The following ADGRL3 variants were observed in gnomAD, a reference collection of about 807,000 sequenced individuals.
The protein encoded by ADGRL3 is calcium-independent alpha-latrotoxin receptor 3.
Under a neutral mutation model 153.5 loss-of-function variants are expected in ADGRL3, and 62 were observed. The ratio of observed to expected loss-of-function variants is 0.40; its 90% CI spans 0.33 to 0.50. The LOEUF (loss-of-function observed/expected upper bound fraction) is 0.50. Ranked by LOEUF, ADGRL3 falls within the 20% of genes least tolerant of loss-of-function variation. The pLI is 0.47. For synonymous variants in ADGRL3, 710 were observed against 672.5 expected (o/e 1.06, Z -0.86); for missense variants, 1,641 against 1,859.4 (o/e 0.88, Z 2.16).
chr4:61,826,661 A>G (rs187700032), intron 9 of ADGRL3, among the ~76,000 whole-genome samples: 38 of 152,240 alleles, frequency 2.5e-4, no homozygotes, highest in Admixed American at 1.7e-3. Flanking sequence ...AGTACTACAT[A>G]CTATGGTTTC....
At chr4:61,299,551 C>T (rs2150320810) in intron 1 of ADGRL3, among the ~76,000 whole-genome samples, 1 of 152,294 alleles carries the variant, frequency 6.6e-6, no homozygotes, top group South Asian at 2.1e-4. Context: ...TTGCCACCTT[C>T]TGCTGAACAC....
chr4:61,520,682 GTGTC>G (rs1553953059), intron 4 of ADGRL3, among the ~76,000 whole-genome samples: 24 of 123,580 alleles, frequency 1.9e-4, no homozygotes, highest in Non-Finnish European at 3.0e-4. Flanking sequence ...GTGTGTGTGT[GTGTC>G]TGTCTGTCTG....
At chr4:61,363,339 A>AT (rs35533541) in intron 1 of ADGRL3, among the ~76,000 whole-genome samples, 52,123 of 146,818 alleles carry the variant, frequency 0.36, 9,623 homozygotes, top group Non-Finnish European at 0.43. Context: ...AAAGCCGGTA[A>AT]TTTTTTTTTT....
At chr4:61,847,459 C>T (rs1361488390) in intron 9 of ADGRL3, among the ~76,000 whole-genome samples, 4 of 148,162 alleles carry the variant, frequency 2.7e-5, no homozygotes, top group Non-Finnish European at 5.9e-5. Flanking sequence ...ACCTAAGGGG[C>T]AGGGTATGTG....
chr4:61,895,701 G>T (rs2098626800), intron 10 of ADGRL3, 30 bp from the exon 11 acceptor site: 1 of 1,212,170 alleles, frequency 8.2e-7, no homozygotes. Flanking sequence ...CTAAGAAAAA[G>T]AAACAGATAC....
chr4:61,232,914 ACC>A (rs1751354138), intron 1 of ADGRL3, among the ~76,000 whole-genome samples: 1 of 152,030 alleles, frequency 6.6e-6, no homozygotes, highest in Non-Finnish European at 1.5e-5. Flanking sequence ...ACTTTGACTT[ACC>A]CAACATTGTA....
chr4:62,064,712 T>C (rs564868707), intron 25 of ADGRL3, among the ~76,000 whole-genome samples: 3 of 151,676 alleles, frequency 2.0e-5, no homozygotes, highest in South Asian at 4.1e-4. Flanking sequence ...AGATTAGTGG[T>C]GTGTATGTGT....
chr4:61,977,937 G>T (rs1223408191), intron 17 of ADGRL3, among the ~76,000 whole-genome samples: 2 of 151,974 alleles, frequency 1.3e-5, no homozygotes, highest in African/African-American at 4.8e-5. Flanking sequence ...TTCTACCATT[G>T]CCCCCTCCCT....
At chr4:62,015,295 G>T (rs2151304018) in intron 21 of ADGRL3, among the ~76,000 whole-genome samples, 1 of 152,234 alleles carries the variant, frequency 6.6e-6, no homozygotes, top group African/African-American at 2.4e-5. Flanking sequence ...CAATACTCTG[G>T]ATTGCTGCCT....
At chr4:61,505,659 A>G (rs917336343) in intron 3 of ADGRL3, among the ~76,000 whole-genome samples, 7 of 152,110 alleles carry the variant, frequency 4.6e-5, no homozygotes, top group African/African-American at 1.7e-4. Context: ...ATAAATATTG[A>G]GTCTTTCATT....
rs1734482177 is a variant in ADGRL3, at chr4:61,200,952, C to T, written c.-1053C>T. Among the ~76,000 whole-genome samples, 2 of 152,110 alleles carry T rather than the reference C, an allele frequency of 1.3e-5. No homozygotes were observed. Among genetic ancestry groups the T allele is most frequent in the Admixed American group, 6.5e-5 (1 of 15,288 alleles). The stretch of plus-strand genomic sequence containing the variant: ...CGGGCGCCCGCTCTGTCTGCGCGCC[C>T]CCTCCGTGCACCGGGGAAGGAGTTT... On this transcript the variant is annotated 5_prime_UTR_variant, in exon 1 of 27. Coordinates refer to ENST00000683033, the MANE Select transcript of ADGRL3 (RefSeq NM_001387552.1).
At chr4:61,414,665 T>G (rs1261045332) in intron 2 of ADGRL3, among the ~76,000 whole-genome samples, 1 of 151,922 alleles carries the variant, frequency 6.6e-6, no homozygotes, top group African/African-American at 2.4e-5. Context: ...AATATGAGAA[T>G]TGCTTTATGT....
intron 8 of ADGRL3, among the ~76,000 whole-genome samples, chr4:61,778,438 G>A (rs991710665): frequency 3.9e-5 from 6 of 152,302 alleles, no homozygotes; most frequent in East Asian, 1.9e-4. Context: ...AAAGAAAACC[G>A]TTAAGTGTAA....
intron 8 of ADGRL3, among the ~76,000 whole-genome samples, chr4:61,745,430 A>G (rs1212696468): frequency 9.9e-5 from 15 of 152,182 alleles, no homozygotes; most frequent in Non-Finnish European, 2.9e-5. Context: ...AGTTGAAATG[A>G]AGGAAAAAAT....
chr4:61,401,710 C>T (rs182686236), intron 2 of ADGRL3, among the ~76,000 whole-genome samples: 2 of 152,008 alleles, frequency 1.3e-5, no homozygotes, highest in African/African-American at 2.4e-5. Context: ...TCTCTAAATA[C>T]GGAAAATGCT....
intron 1 of ADGRL3, among the ~76,000 whole-genome samples, chr4:61,272,948 G>T (rs187470264): frequency 4.6e-5 from 7 of 152,190 alleles, no homozygotes; most frequent in African/African-American, 1.7e-4. Flanking sequence ...GACTCAGAGT[G>T]GCTGGGTTTG....
In ADGRL3 at chr4:61,892,819, G is replaced by A. The variant is rs1161861921; in HGVS notation, c.1644G>A (p.Met548Ile). 1 of 1,613,776 alleles carries A rather than the reference G, an allele frequency of 6.2e-7. No individual in the cohort carries two copies. The highest frequency in any genetic ancestry group is 1.1e-5 in the South Asian group (1 of 91,058). ...CAGCTGTCGAGGTACTTGATGACAT[G>A]ACCACACACCTTCCATCAGCATCGT... Reference protein sequence around the residue: ...PSPAVEVLDDMTTHLPSASSQ... With the variant: ...PSPAVEVLDDITTHLPSASSQ... Residue 548 changes from methionine to isoleucine, a missense_variant, in exon 10 of 27, where the codon ATG becomes ATA. By Grantham distance (10) the Met-to-Ile change is conservative (BLOSUM62 1). Transcript: ENST00000683033.
chr4:61,853,289 C>T (rs2098228911), intron 9 of ADGRL3, among the ~76,000 whole-genome samples: 1 of 152,066 alleles, frequency 6.6e-6, no homozygotes, highest in African/African-American at 2.4e-5. Context: ...ACATTCCTAT[C>T]GCTCATGAAA....
intron 2 of ADGRL3, among the ~76,000 whole-genome samples, chr4:61,494,045 T>A (rs1224145555): frequency 2.0e-5 from 3 of 152,052 alleles, no homozygotes; most frequent in Non-Finnish European, 4.4e-5. Context: ...GGTTAATTCT[T>A]CTCTATCTTG....
Sources: gnomAD v4.1 joint callset for allele counts (sites outside exome capture counted in the v4.1 genomes callset) on GRCh38, gnomAD v4.1.1 for gene constraint, MANE v1.5 for transcripts, NCBI Gene and HGNC (gene_info 2026-07-23, HGNC 2026-07-21) for gene names.